The following LAMB1 variants were observed in gnomAD, a reference collection of about 807,000 sequenced individuals.
The protein encoded by LAMB1 is laminin subunit beta 1, also known as laminin subunit beta-1.
Under a neutral mutation model 222.3 loss-of-function variants are expected in LAMB1, and 121 were observed. That is an observed-to-expected ratio of 0.54 (90% CI 0.47 to 0.63). The LOEUF is 0.63. LAMB1 is among the 30% of genes least tolerant of loss of function. The pLI, the probability that LAMB1 is intolerant of heterozygous loss-of-function variation, is 0.00. For synonymous variants in LAMB1, 794 were observed against 807.2 expected (o/e 0.98, Z 0.28); for missense variants, 2,172 against 2,240.8 (o/e 0.97, Z 0.62).
At chr7:107,979,844 T>C (rs1389258149) in intron 8 of LAMB1, among the ~76,000 whole-genome samples, 1 of 152,168 alleles carries the variant, frequency 6.6e-6, no homozygotes, top group Non-Finnish European at 1.5e-5. Flanking sequence ...GAGGCAGAGG[T>C]GTGCGGATCA....
chr7:107,965,360 A>G (rs916864855), intron 13 of LAMB1, among the ~76,000 whole-genome samples: 1 of 152,176 alleles, frequency 6.6e-6, no homozygotes, highest in Non-Finnish European at 1.5e-5. Context: ...CAGGCGGATC[A>G]CCTGAGGTTG....
chr7:107,934,617 A>T (rs1034323377), intron 27 of LAMB1, among the ~76,000 whole-genome samples: 1 of 152,074 alleles, frequency 6.6e-6, no homozygotes, highest in African/African-American at 2.4e-5. Context: ...GTTAATCTTC[A>T]CCAGGTAAAG....
At chr7:107,947,161 C>T (rs890853085) in intron 24 of LAMB1, among the ~76,000 whole-genome samples, 3 of 152,190 alleles carry the variant, frequency 2.0e-5, no homozygotes, top group African/African-American at 7.2e-5. Context: ...CACCATCGAC[C>T]AACAGCCCCA....
At chr7:107,997,729 G>T (rs1276248068) in intron 4 of LAMB1, among the ~76,000 whole-genome samples, 2 of 152,138 alleles carry the variant, frequency 1.3e-5, no homozygotes, top group Non-Finnish European at 2.9e-5. Context: ...AAACTCATCT[G>T]GGCTTCATGT....
rs1179961483 is a variant in LAMB1 at position 107,975,887 on chromosome 7, A to T, written c.1001-10T>A. The T allele has an allele frequency of 6.2e-7, 1 of 1,612,134 alleles. No homozygotes were observed. Among genetic ancestry groups the T allele is most frequent in the Admixed American group, 1.7e-5 (1 of 59,866 alleles). On this transcript the variant is annotated splice_polypyrimidine_tract_variant and intron_variant, in intron 9 of 33. Transcript: ENST00000222399. ...TCATTGCAGTTACATTCTGCGTGACAAGAGCAACGTCAAGAAAAGCTTTTT... is the reference window on the plus strand; with the variant it reads ...TCATTGCAGTTACATTCTGCGTGACTAGAGCAACGTCAAGAAAAGCTTTTT...
chr7:107,969,308 A>G (rs946146148), intron 13 of LAMB1, among the ~76,000 whole-genome samples: 1 of 150,898 alleles, frequency 6.6e-6, no homozygotes, highest in Non-Finnish European at 1.5e-5. Flanking sequence ...AAAAAAAATC[A>G]TAAATATAGA....
At chr7:107,998,574 T>C (rs1036436523) in intron 3 of LAMB1, 82 bp from the exon 4 acceptor site, 4 of 1,251,744 alleles carry the variant, frequency 3.2e-6, no homozygotes, top group Non-Finnish European at 3.3e-6. Flanking sequence ...ATGAAGCTCC[T>C]AATACAAAAA....
intron 13 of LAMB1, among the ~76,000 whole-genome samples, chr7:107,971,733 T>C (rs1366556584): frequency 6.6e-6 from 1 of 152,154 alleles, no homozygotes; most frequent in Non-Finnish European, 1.5e-5. Context: ...CACAAGAGAT[T>C]AGAGGGCAGG....
Position 107,937,267 on chromosome 7 carries a change from T to G in LAMB1, c.3772A>C (p.Lys1258Gln). ...NLFEEAEKLIKDVTEMMAQVE... is the reference protein window; with the variant it reads ...NLFEEAEKLIQDVTEMMAQVE... ...TGAGCCATCATTTCTGTAACATCTT[T>G]AATCAGTTTCCTGTAAAGAGAAAGT... The change falls in exon 26 of 34, where the codon AAA becomes CAA. Residue 1258 changes from lysine to glutamine, a missense_variant. Lys to Gln is a moderately conservative substitution (Grantham distance 53, BLOSUM62 1). Transcript: ENST00000222399. 6.2e-7 allele frequency: 1 copy of G among 1,612,872 alleles called. No homozygotes were observed. Among genetic ancestry groups the G allele is most frequent in the South Asian group, 1.1e-5 (1 of 91,040 alleles).
chr7:108,001,815 G>T, intron 2 of LAMB1, 82 bp from the exon 3 acceptor site: 1 of 1,571,368 alleles, frequency 6.4e-7, no homozygotes, highest in Non-Finnish European at 8.6e-7. Context: ...GGGGGCGGGG[G>T]AGTGGGTGCG....
At chr7:107,939,182 C>T (rs1180469724) in intron 25 of LAMB1, among the ~76,000 whole-genome samples, 1 of 152,014 alleles carries the variant, frequency 6.6e-6, no homozygotes, top group Admixed American at 6.6e-5. Context: ...GCACTTAGGT[C>T]TTATTGTGCT....
chr7:107,973,102 T>A, intron 12 of LAMB1, 31 bp from the exon 13 acceptor site: 1 of 1,570,308 alleles, frequency 6.4e-7, no homozygotes, highest in Non-Finnish European at 8.8e-7. Flanking sequence ...CATGTAACGG[T>A]AGGTTTCTGT....
intron 20 of LAMB1, among the ~76,000 whole-genome samples, chr7:107,958,881 G>T (rs570145650): frequency 3.7e-4 from 56 of 152,266 alleles, no homozygotes; most frequent in African/African-American, 1.3e-3. Context: ...ATCCCATTTG[G>T]ATTAGTTTCT....
chr7:107,990,937 A>G (rs1308133967), intron 5 of LAMB1, among the ~76,000 whole-genome samples: 1 of 152,176 alleles, frequency 6.6e-6, no homozygotes, highest in African/African-American at 2.4e-5. Flanking sequence ...TTAATGCTTC[A>G]TCAATGCTGA....
chr7:107,971,062 G>C (rs774085413), intron 13 of LAMB1, among the ~76,000 whole-genome samples: 1 of 152,130 alleles, frequency 6.6e-6, no homozygotes, highest in Non-Finnish European at 1.5e-5. Context: ...GTTCAGGTTA[G>C]TTGTCAATAT....
chr7:107,995,001 G>A (rs1181844113), intron 4 of LAMB1, 41 bp from the exon 5 acceptor site: 8 of 1,095,854 alleles, frequency 7.3e-6, no homozygotes, highest in Non-Finnish European at 9.6e-6. Flanking sequence ...AAATGAAACT[G>A]TAAATAGAAA....
At chr7:107,955,085 ATAT>A (rs1161613448) in intron 21 of LAMB1, among the ~76,000 whole-genome samples, 1 of 152,192 alleles carries the variant, frequency 6.6e-6, no homozygotes, top group Non-Finnish European at 1.5e-5. Context: ...TCCCTGGATG[ATAT>A]TATTTCTTTC....
In LAMB1 at chr7:107,937,234, C is replaced by G; in HGVS notation, c.3805G>C (p.Val1269Leu). Residue 1269 changes from valine to leucine, a missense_variant, in exon 26 of 34, where the codon GTG becomes CTG. Val to Leu is a conservative substitution (Grantham distance 32). Coordinates refer to ENST00000222399, the MANE Select transcript of LAMB1 (RefSeq NM_002291.3). ...TGGGAAGTTGTGTCAGATAATTTCA[C>G]TTCTACTTGAGCCATCATTTCTGTA... ...DVTEMMAQVEVKLSDTTSQSN... is the reference protein window; with the variant it reads ...DVTEMMAQVELKLSDTTSQSN... 6.2e-7 allele frequency: 1 copy of G among 1,614,000 alleles called. No homozygotes were observed. Among genetic ancestry groups the G allele is most frequent in the Non-Finnish European group, 8.5e-7 (1 of 1,179,920 alleles).
At chr7:107,951,942 G>T in intron 23 of LAMB1, 67 bp downstream of exon 23, 1 of 1,376,640 alleles carries the variant, frequency 7.3e-7, no homozygotes, top group Admixed American at 2.0e-5. Context: ...TGCTCTAACT[G>T]GGGCAAAGTC....
Sources: allele counts gnomAD v4.1 joint callset (sites outside exome capture counted in the v4.1 genomes callset), GRCh38; gene constraint gnomAD v4.1.1; transcripts MANE v1.5; gene names NCBI Gene and HGNC (gene_info 2026-07-23, HGNC 2026-07-21).